CRAMP1: variants seen among roughly 807,000 people sequenced by gnomAD.
CRAMP1 encodes the protein protein cramped-like.
In CRAMP1, 50 loss-of-function variants were observed where a neutral mutation model predicts 115.4. That is an observed-to-expected ratio of 0.43 (90% CI 0.35 to 0.55). The LOEUF is 0.55. Ranked by LOEUF, CRAMP1 falls within the 20% of genes least tolerant of loss-of-function variation. CRAMP1 has a pLI of 0.01. For missense variants in CRAMP1, 1,679 were observed against 1,721.7 expected, an observed-to-expected ratio of 0.98 and a Z score of 0.44; for synonymous variants, 866 against 745.4, an observed-to-expected ratio of 1.16 and a Z score of -2.64.
chr16:1,650,770 C>G (rs560270259), intron 6 of CRAMP1, among the ~76,000 whole-genome samples: 1 of 152,222 alleles, frequency 6.6e-6, no homozygotes, highest in Non-Finnish European at 1.5e-5. Context: ...TCCTACCTGA[C>G]GTGTGCAACT....
chr16:1,676,146 C>T lies in CRAMP1; in HGVS notation c.*2101C>T, dbSNP rs1048132429. 3.9e-5 allele frequency: 6 copies of T among 152,278 alleles called. No homozygotes were observed. Among genetic ancestry groups the T allele is most frequent in the African/African-American group, 7.2e-5 (3 of 41,434 alleles). The allele number at this position is 152,278 out of a possible 1,614,324, so 9.4% of individuals were successfully genotyped here. On this transcript the variant is annotated 3_prime_UTR_variant, in exon 21 of 21. Coordinates refer to ENST00000397412, the MANE Select transcript of CRAMP1 (RefSeq NM_020825.4). ...ACTGCCTGTCAGGGTACCTGTTAGC[C>T]CCTGACAACTCAGTGGGGTGAAGTT...
rs1382607334 is a variant in CRAMP1 at position 1,670,687 on chromosome 16, A to G, written c.3523A>G (p.Ser1175Gly). ...AGCAAGCTTCATCTCCCCAGAGAAG[A>G]GCCGGAAGATGTTGCCGACTCCCAT... ...LFASFISPEK[S>G]RKMLPTPIGT... The change falls in exon 20 of 21, where the codon AGC (serine) becomes GGC (glycine). Residue 1175 changes from serine (S) to glycine (G), a missense_variant. Coordinates refer to ENST00000397412, the MANE Select transcript of CRAMP1 (RefSeq NM_020825.4). 3 of 1,613,960 alleles carry G rather than the reference A, an allele frequency of 1.9e-6. No homozygotes were observed. In the South Asian group the frequency reaches 3.3e-5, roughly 18 times the overall value.
At chr16:1,667,598 C>T (rs571395169) in intron 17 of CRAMP1, among the ~76,000 whole-genome samples, 198 bp downstream of exon 17, 3 of 152,306 alleles carry the variant, frequency 2.0e-5, no homozygotes, top group Admixed American at 6.5e-5. Flanking sequence ...AGACTTCCCT[C>T]CTCCCCTCTC....
Position 1,614,809 on chromosome 16 carries a change from A to C in CRAMP1, c.170A>C (p.Asp57Ala). The C allele has an allele frequency of 7.8e-7, 1 of 1,277,730 alleles. No homozygotes were observed. The highest frequency in any genetic ancestry group is 9.9e-7 in the Non-Finnish European group (1 of 1,014,332). The allele number at this position is 1,277,730 out of a possible 1,614,324, so 79.1% of individuals were successfully genotyped here. A position where few individuals can be genotyped will look rare whatever the true frequency, so the allele number is the denominator to read the frequency against. The part of the protein sequence containing the change: ...RDEKTPRAGA[D>A]GPPAPPGAPQ... ...GAGAAGACCCCCCGGGCCGGCGCCG[A>C]CGGCCCCCCCGCGCCCCCCGGCGCG... is the stretch of plus-strand genomic sequence containing the variant. The change falls in exon 2 of 21, where the codon GAC (aspartate) becomes GCC (alanine). Residue 57 changes from aspartate to alanine, a missense_variant. By Grantham distance (126) the Asp-to-Ala change is moderately radical. Coordinates refer to ENST00000397412, the MANE Select transcript of CRAMP1 (RefSeq NM_020825.4). The surrounding 1 kb of genome is among the most constrained non-coding windows in gnomAD (Gnocchi z 4.4).
rs551238782 is a variant in CRAMP1, at chr16:1,639,927, T to C, written c.779-1212T>C. Among the ~76,000 whole-genome samples the C allele has an allele frequency of 4.7e-4, 72 of 152,218 alleles. 1 individual carries two copies. The highest frequency in any genetic ancestry group is 8.4e-4 in the Non-Finnish European group (57 of 68,040). On this transcript the variant is annotated intron_variant, in intron 5 of 20. Coordinates refer to ENST00000397412, the MANE Select transcript of CRAMP1 (RefSeq NM_020825.4). ...GCCTCATGAGGATGCTCAAGTTTGATGAAAATAAATGACTTGATTGCTGAG... is the reference window on the plus strand; with the variant it reads ...GCCTCATGAGGATGCTCAAGTTTGACGAAAATAAATGACTTGATTGCTGAG...
In CRAMP1 at chr16:1,656,537, G is replaced by C. The variant is rs1356783080; in HGVS notation, c.1780G>C (p.Ala594Pro). ...GAGCGAGCAGCCCCCTCTGGGCGGGGCGGCCTCCCCAGAGGTGCTGGCTCC... is the reference window on the plus strand; with the variant it reads ...GAGCGAGCAGCCCCCTCTGGGCGGGCCGGCCTCCCCAGAGGTGCTGGCTCC... ...PGSEQPPLGG[A>P]ASPEVLAPVS... Residue 594 changes from alanine (A) to proline (P), a missense_variant, in exon 10 of 21, where the codon GCG becomes CCG. Ala to Pro is a conservative substitution (Grantham distance 27). Coordinates refer to ENST00000397412, the MANE Select transcript of CRAMP1 (RefSeq NM_020825.4). The surrounding 1 kb of genome is among the most constrained non-coding windows in gnomAD (Gnocchi z 5.6). 2 of 1,558,020 alleles carry C rather than the reference G, an allele frequency of 1.3e-6. No individual in the cohort carries two copies. The highest frequency in any genetic ancestry group is 1.7e-4 in the Middle Eastern group (1 of 6,014).
chr16:1,625,344 T>G (rs2036499708), intron 2 of CRAMP1, among the ~76,000 whole-genome samples: 1 of 152,168 alleles, frequency 6.6e-6, no homozygotes, highest in Non-Finnish European at 1.5e-5. Context: ...CTCAGAGGAC[T>G]TGGCATGAGA....
intron 4 of CRAMP1, among the ~76,000 whole-genome samples, chr16:1,636,648 G>C (rs891532351): frequency 6.6e-6 from 1 of 152,232 alleles, no homozygotes; most frequent in African/African-American, 2.4e-5. Flanking sequence ...GACCCAAAGG[G>C]GCCTGGACTG....
chr16:1,619,575 A>G (rs897332445), intron 2 of CRAMP1, among the ~76,000 whole-genome samples: 3 of 152,178 alleles, frequency 2.0e-5, no homozygotes, highest in Non-Finnish European at 4.4e-5. Flanking sequence ...ATCTTGCAAT[A>G]CCTACAGGAT....
chr16:1,654,226 T>C lies in CRAMP1; in HGVS notation c.1038-993T>C, dbSNP rs534847768. On this transcript the variant is annotated intron_variant, in intron 8 of 20. Transcript: ENST00000397412. ...CTTTTTTTATTTTTTCTTTTTTTTT[T>C]CCGAGATGGAGTCTTGCTCTGTGGC... 9.4e-4 allele frequency among the ~76,000 whole-genome samples: 142 copies of C among 151,742 alleles called. 1 individual carries two copies. The Middle Eastern group carries it at 0.01, about 11-fold the overall frequency.
At chr16:1,632,644 T>C (rs1448415573) in intron 4 of CRAMP1, among the ~76,000 whole-genome samples, 1 of 152,252 alleles carries the variant, frequency 6.6e-6, no homozygotes, top group Non-Finnish European at 1.5e-5. Flanking sequence ...TGAGTGTGCG[T>C]GAGTTCTGGG....
chr16:1,641,244 C>G (rs2036629441), intron 6 of CRAMP1, 57 bp downstream of exon 6: 1 of 1,272,354 alleles, frequency 7.9e-7, no homozygotes, highest in Admixed American at 1.7e-5. Context: ...TGTTTATTCT[C>G]TAAAATACAG....
intron 10 of CRAMP1, among the ~76,000 whole-genome samples, chr16:1,658,234 A>G (rs2036793217): frequency 1.3e-5 from 2 of 151,356 alleles, no homozygotes; most frequent in South Asian, 4.2e-4. Context: ...ACTGAGCCCA[A>G]CCCTCAGGCA....
chr16:1,631,696 G>A (rs1279600305), intron 3 of CRAMP1, among the ~76,000 whole-genome samples: 1 of 152,240 alleles, frequency 6.6e-6, no homozygotes, highest in African/African-American at 2.4e-5. Context: ...GTTCCAAGAA[G>A]GGTTGGCCTC....
chr16:1,657,709 AGCCGACAGATGGG>A (rs1280006378), intron 10 of CRAMP1, among the ~76,000 whole-genome samples: 1 of 152,114 alleles, frequency 6.6e-6, no homozygotes, highest in Non-Finnish European at 1.5e-5. Context: ...CAGTTGGTGG[AGCCGACAGATGGG>A]GTGCAGAAGG....
chr16:1,675,715 T>G lies in CRAMP1; in HGVS notation c.*1670T>G, dbSNP rs1249996568. 3.3e-5 allele frequency: 5 copies of G among 152,268 alleles called. No individual in the cohort carries two copies. Among genetic ancestry groups the G allele is most frequent in the Admixed American group, 3.3e-4 (5 of 15,282 alleles). The allele number at this position is 152,268 out of a possible 1,614,324, so 9.4% of individuals were successfully genotyped here. On this transcript the variant is annotated 3_prime_UTR_variant, in exon 21 of 21. Transcript: ENST00000397412. ...GAACTTCCAGGCAAGAGCTTCCTTC[T>G]TTTGTCTCACGAGTTTTTCTTAGAG...
At position 1,666,167 on chromosome 16, in the gene CRAMP1, T is replaced by C. The variant is rs778567312; in HGVS notation, c.2847T>C (p.Ser949=). Reference sequence around the variant, plus strand: ...AGGTCCTTCCACCCCAGGCCACGAGTCACCTGGCCAGTAAGTCTGTACCTG... The same window carrying C: ...AGGTCCTTCCACCCCAGGCCACGAGCCACCTGGCCAGTAAGTCTGTACCTG... ...VPKVLPPQAT[S]HLASAIDLAA... Residue 949 remains serine (S), a synonymous_variant, in exon 15 of 21, where the codon AGT becomes AGC. Coordinates refer to ENST00000397412, the MANE Select transcript of CRAMP1 (RefSeq NM_020825.4). This position sits in a 1 kb window ranked among gnomAD's most constrained non-coding sequence, Gnocchi z 5.0. 25 of 1,604,012 alleles carry C rather than the reference T, an allele frequency of 1.6e-5. No homozygotes were observed. The highest frequency in any genetic ancestry group is 2.0e-5 in the Non-Finnish European group (23 of 1,174,834).
intron 2 of CRAMP1, 36 bp from the exon 3 acceptor site, chr16:1,625,937 C>G: frequency 1.3e-6 from 2 of 1,549,438 alleles, no homozygotes; most frequent in South Asian, 1.2e-5. Context: ...CGCCAGCTTT[C>G]TGGAACAGAT....
At chr16:1,670,882 C>T (rs2036917034) in intron 20 of CRAMP1, 73 bp downstream of exon 20, 6 of 1,449,606 alleles carry the variant, frequency 4.1e-6, no homozygotes, top group East Asian at 2.3e-5. Flanking sequence ...CTCTCCTGCA[C>T]ACCTGTGGGT....
Sources: allele counts gnomAD v4.1 joint callset (sites outside exome capture counted in the v4.1 genomes callset), GRCh38; gene constraint gnomAD v4.1.1; non-coding constraint Gnocchi (gnomAD v3.1); transcripts MANE v1.5; gene names NCBI Gene and HGNC (gene_info 2026-07-23, HGNC 2026-07-21).